ANKRD30A: variants seen among roughly 807,000 people sequenced by gnomAD.
ANKRD30A encodes ankyrin repeat domain-containing protein 30A.
In ANKRD30A, 170 loss-of-function variants were observed where a neutral mutation model predicts 166.3. The ratio of observed to expected loss-of-function variants is 1.02; its 90% CI spans 0.90 to 1.16. The LOEUF is 1.16. ANKRD30A is among the 50% of genes most tolerant of loss of function. The probability of loss-of-function intolerance (pLI) is 0.00; values close to 1 mark genes in which losing one functional copy is unlikely to be tolerated. For synonymous variants in ANKRD30A, 564 were observed against 508.9 expected, an observed-to-expected ratio of 1.11 and a Z score of -1.46; for missense variants, 1,630 against 1,518.0, an observed-to-expected ratio of 1.07 and a Z score of -1.23.
intron 1 of ANKRD30A, among the ~76,000 whole-genome samples, chr10:37,126,390 T>C (rs925684860): frequency 6.6e-6 from 1 of 152,244 alleles, no homozygotes; most frequent in African/African-American, 2.4e-5. Context: ...GTTAGATACA[T>C]TATGAAATGG....
intron 25 of ANKRD30A, 137 bp from the exon 26 acceptor site, chr10:37,192,927 A>C (rs1840718912): frequency 6.8e-7 from 1 of 1,468,456 alleles, no homozygotes; most frequent in African/African-American, 1.4e-5. Context: ...ACAGTAACCC[A>C]AAAGACCCCA....
intron 29 of ANKRD30A, among the ~76,000 whole-genome samples, chr10:37,197,918 G>C (rs1407153819): frequency 6.6e-6 from 1 of 151,980 alleles, no homozygotes; most frequent in South Asian, 2.1e-4. Context: ...AGAATCCTAA[G>C]AAAATCAGTA....
chr10:37,237,828 A>T, the ANKRD30A span, among the ~76,000 whole-genome samples: 1 of 152,188 alleles, frequency 6.6e-6, no homozygotes, highest in Non-Finnish European at 1.5e-5. Flanking sequence ...AGACAATTTT[A>T]TCTCCTTTTG....
chr10:37,159,533 A>C lies in ANKRD30A; in HGVS notation c.1900+947A>C, dbSNP rs373072559. On this transcript the variant is annotated intron_variant, in intron 15 of 35. Transcript: ENST00000361713. ...ATCTGAAAAAGCAAAGAAATAAAAA[A>C]ACAAAAACTCACAACATGTATGTGG... Among the ~76,000 whole-genome samples the C allele has an allele frequency of 1.5e-4, 23 of 152,258 alleles. No individual in the cohort carries two copies. In the East Asian group the frequency reaches 4.4e-3, roughly 29 times the overall value.
At chr10:37,195,953 G>C (rs1378683721) in intron 27 of ANKRD30A, among the ~76,000 whole-genome samples, 1 of 152,062 alleles carries the variant, frequency 6.6e-6, no homozygotes, top group East Asian at 1.9e-4. Context: ...AGCCAGAGAA[G>C]AAGAAGGAAA....
At chr10:37,143,885 C>T (rs1397485030) in intron 7 of ANKRD30A, among the ~76,000 whole-genome samples, 5 of 147,740 alleles carry the variant, frequency 3.4e-5, no homozygotes, top group South Asian at 2.1e-4. Flanking sequence ...GATTTAAAGA[C>T]GAAACTTTTG....
downstream of ANKRD30A, among the ~76,000 whole-genome samples, chr10:37,235,801 G>A (rs1168101059): frequency 3.2e-5 from 4 of 125,074 alleles, no homozygotes; most frequent in Admixed American, 1.0e-4. Context: ...GCAGAATCTC[G>A]CTCTGTCACT....
In ANKRD30A at chr10:37,130,249, T is replaced by G; in HGVS notation, c.381T>G (p.Asp127Glu). 1 of 1,603,582 alleles carries G rather than the reference T, an allele frequency of 6.2e-7. No individual in the cohort carries two copies. Among genetic ancestry groups the G allele is most frequent in the Non-Finnish European group, 8.5e-7 (1 of 1,175,398 alleles). Residue 127 changes from aspartate to glutamate, a missense_variant, in exon 3 of 36, where the codon GAT becomes GAG. By Grantham distance (45) the Asp-to-Glu change is conservative (BLOSUM62 2). This residue lies in a region of ANKRD30A where 904 missense variants were observed against 818.5 expected (regional missense o/e 1.10). Coordinates refer to ENST00000361713, the MANE Select transcript of ANKRD30A (RefSeq NM_052997.3). The part of the protein sequence containing the change: ...HQEACANILI[D>E]SGADINLVDV... The stretch of plus-strand genomic sequence containing the variant: ...AGGCTTGTGCAAATATTCTGATAGA[T>G]TCTGGTGCCGATATAAATCTCGTAG...
intron 9 of ANKRD30A, among the ~76,000 whole-genome samples, chr10:37,149,424 C>T (rs1418839659): frequency 5.3e-5 from 8 of 152,024 alleles, no homozygotes; most frequent in East Asian, 3.9e-4. Flanking sequence ...AACACAATCT[C>T]GCTTTGAAGT....
At chr10:37,172,470 A>T (rs1292266013) in intron 21 of ANKRD30A, among the ~76,000 whole-genome samples, 1 of 133,240 alleles carries the variant, frequency 7.5e-6, no homozygotes, top group African/African-American at 2.8e-5. Flanking sequence ...GAGAAAGGAA[A>T]TGTTGAACAA....
At chr10:37,212,990 A>T (rs1313600362) in intron 31 of ANKRD30A, among the ~76,000 whole-genome samples, 1 of 151,918 alleles carries the variant, frequency 6.6e-6, no homozygotes, top group African/African-American at 2.4e-5. Context: ...ATGTCACATT[A>T]ACTCATTTTC....
At chr10:37,197,561 A>AT in intron 29 of ANKRD30A, 81 bp downstream of exon 29, 2 of 1,593,706 alleles carry the variant, frequency 1.3e-6, no homozygotes, top group Non-Finnish European at 1.7e-6. Flanking sequence ...CCAATGCTTT[A>AT]TTTTTTTCAA....
chr10:37,229,050 T>C (rs994023293), intron 34 of ANKRD30A, among the ~76,000 whole-genome samples: 2 of 152,020 alleles, frequency 1.3e-5, no homozygotes, highest in Non-Finnish European at 2.9e-5. Context: ...TGCTCAGCTA[T>C]ATGTCTTGTT....
At chr10:37,178,167 T>C (rs564316824) in intron 24 of ANKRD30A, among the ~76,000 whole-genome samples, 23 of 151,336 alleles carry the variant, frequency 1.5e-4, no homozygotes, top group African/African-American at 5.3e-4. Context: ...GGGAAGAATA[T>C]AATGTGACCT....
chr10:37,240,696 G>A, the ANKRD30A span, among the ~76,000 whole-genome samples: 1 of 152,010 alleles, frequency 6.6e-6, no homozygotes, highest in African/African-American at 2.4e-5. Context: ...ATATGTTTTT[G>A]TTGTCCTTCT....
chr10:37,198,258 T>A (rs1248166379), intron 29 of ANKRD30A, among the ~76,000 whole-genome samples: 3 of 152,074 alleles, frequency 2.0e-5, no homozygotes, highest in Non-Finnish European at 4.4e-5. Context: ...ACTTCTAATA[T>A]GTAGATGGTT....
chr10:37,159,601 G>A (rs1194405732), intron 15 of ANKRD30A, among the ~76,000 whole-genome samples: 1 of 152,150 alleles, frequency 6.6e-6, no homozygotes, highest in Non-Finnish European at 1.5e-5. Context: ...CTTATACGCT[G>A]TGTGTAGAAT....
At chr10:37,203,063 G>A (rs939777154) in intron 31 of ANKRD30A, among the ~76,000 whole-genome samples, 2 of 152,112 alleles carry the variant, frequency 1.3e-5, no homozygotes, top group African/African-American at 4.8e-5. Flanking sequence ...GGTACAAGGA[G>A]GAGCTGATAC....
intron 34 of ANKRD30A, among the ~76,000 whole-genome samples, chr10:37,224,425 C>CAT (rs557635336): frequency 1.3e-5 from 2 of 150,218 alleles, no homozygotes; most frequent in Non-Finnish European, 3.0e-5. Flanking sequence ...ATGTGAGCTA[C>CAT]ATATATATAT....
Sources: allele counts gnomAD v4.1 joint callset (sites outside exome capture counted in the v4.1 genomes callset), GRCh38; gene constraint gnomAD v4.1.1; regional missense constraint gnomAD v4.1.1; transcripts MANE v1.5; gene names NCBI Gene and HGNC (gene_info 2026-07-23, HGNC 2026-07-21).